The following CLTC variants were observed in gnomAD, a reference collection of about 807,000 sequenced individuals.
CLTC encodes clathrin heavy chain, also known as clathrin heavy chain 1.
A neutral mutation model predicts 195.8 loss-of-function variants in CLTC; 16 were observed. That is an observed-to-expected ratio of 0.08 (90% CI 0.06 to 0.12). The LOEUF is 0.12. Ranked by LOEUF, CLTC falls within the 10% of genes least tolerant of loss-of-function variation. The pLI is 1.00. For synonymous variants in CLTC, 667 were observed against 689.4 expected, an observed-to-expected ratio of 0.97 and a Z score of 0.51; for missense variants, 796 against 2,027.0, an observed-to-expected ratio of 0.39 and a Z score of 11.66.
Position 59,685,640 on chromosome 17 carries a change from C to T in CLTC, c.4659C>T (p.Leu1553=). ...AAGATACTGAATTGGCTGAAGAACT[C>T]CTGCAGTGGTTTTTGCAGGAAGAAA... The part of the protein sequence containing the change: ...ESKDTELAEE[L]LQWFLQEEKR... Residue 1553 remains leucine (L), a synonymous_variant, in exon 30 of 32, where the codon CTC becomes CTT. Transcript: ENST00000269122. The surrounding 1 kb of genome is among the most constrained non-coding windows in gnomAD (Gnocchi z 5.0). 1.2e-6 allele frequency: 2 copies of T among 1,614,094 alleles called. No individual in the cohort carries two copies. The highest frequency in any genetic ancestry group is 2.2e-5 in the South Asian group (2 of 91,076).
At chr17:59,657,156 T>C (rs1427110384) in intron 6 of CLTC, among the ~76,000 whole-genome samples, 1 of 152,154 alleles carries the variant, frequency 6.6e-6, no homozygotes, top group Non-Finnish European at 1.5e-5. Flanking sequence ...AGTTAATTTT[T>C]GAAAAATGTT....
chr17:59,667,242 T>C lies in CLTC; in HGVS notation c.2128+265T>C, dbSNP rs2032752375. Among the ~76,000 whole-genome samples the C allele has an allele frequency of 2.6e-5, 4 of 152,156 alleles. No homozygotes were observed. The South Asian group carries it at 8.3e-4, about 32-fold the overall frequency. On this transcript the variant is annotated intron_variant, in intron 13 of 31. Coordinates refer to ENST00000269122, the MANE Select transcript of CLTC (RefSeq NM_004859.4). The stretch of plus-strand genomic sequence containing the variant: ...AGAAAAATATGTAGTGGTGTTGAAA[T>C]TGTATAAAATGAAAATACAGGTTGA...
At chr17:59,664,097 AT>A (rs1267403598) in intron 9 of CLTC, 103 bp downstream of exon 9, 1 of 974,702 alleles carries the variant, frequency 1.0e-6, no homozygotes, top group Non-Finnish European at 1.5e-6. Flanking sequence ...ATTTCCTTTC[AT>A]TTTGATTTAC....
At chr17:59,676,127 G>C (rs763774551) in intron 16 of CLTC, among the ~76,000 whole-genome samples, 5 of 152,154 alleles carry the variant, frequency 3.3e-5, no homozygotes, top group Non-Finnish European at 5.9e-5. Context: ...GATTGCTTGA[G>C]CCCAGGAGGT....
rs753103346 is a variant in CLTC at position 59,655,976 on chromosome 17, T to G, written c.918T>G (p.Thr306=). 1.2e-6 allele frequency: 2 copies of G among 1,612,996 alleles called. No individual in the cohort carries two copies. Among genetic ancestry groups the G allele is most frequent in the Non-Finnish European group, 1.7e-6 (2 of 1,179,720 alleles). ...NRISGETIFV[T]APHEATAGII... is the part of the protein sequence containing the mutation. ...TCAGTGGAGAAACAATTTTTGTTAC[T>G]GCACCTCATGAAGCCACAGCTGGAA... The change falls in exon 6 of 32, where the codon ACT becomes ACG. Residue 306 remains threonine, a synonymous_variant. Coordinates refer to ENST00000269122, the MANE Select transcript of CLTC (RefSeq NM_004859.4).
chr17:59,622,929 GATT>G (rs2143430648), intron 1 of CLTC, among the ~76,000 whole-genome samples: 1 of 152,290 alleles, frequency 6.6e-6, no homozygotes, highest in Admixed American at 6.5e-5. Context: ...AATATATGAA[GATT>G]TCTCTTTTCC....
chr17:59,686,283 T>C (rs763993395), intron 30 of CLTC, among the ~76,000 whole-genome samples: 2 of 151,794 alleles, frequency 1.3e-5, no homozygotes, highest in Non-Finnish European at 2.9e-5. Context: ...AAAAATACCA[T>C]AGGAGGTGAA....
chr17:59,672,823 T>TCC (rs2032882393), intron 14 of CLTC, among the ~76,000 whole-genome samples: 1 of 152,146 alleles, frequency 6.6e-6, no homozygotes, highest in Non-Finnish European at 1.5e-5. Flanking sequence ...CCTACTTAGT[T>TCC]CTGCTTCCCT....
intron 28 of CLTC, 151 bp downstream of exon 28, chr17:59,684,136 C>T (rs1433129658): frequency 3.4e-6 from 2 of 583,538 alleles, no homozygotes; most frequent in Non-Finnish European, 6.0e-6. Flanking sequence ...ATTGATAAAT[C>T]TTCTAATTAA....
At chr17:59,687,810 C>T (rs761685719) in intron 30 of CLTC, among the ~76,000 whole-genome samples, 6 of 152,110 alleles carry the variant, frequency 3.9e-5, no homozygotes, top group Non-Finnish European at 8.8e-5. Context: ...TTGGCTTGTC[C>T]AAGGATGTCA....
intron 5 of CLTC, among the ~76,000 whole-genome samples, chr17:59,654,125 C>G (rs947458965): frequency 6.6e-6 from 1 of 152,082 alleles, no homozygotes; most frequent in Non-Finnish European, 1.5e-5. Context: ...TCAGCCTCCT[C>G]TGTGGCTGGG....
rs1322504696 is a variant in CLTC, at chr17:59,695,916, ATAAGAT to A, written c.*2067_*2072del. The A allele has an allele frequency of 1.2e-4, 24 of 202,002 alleles. No homozygotes were observed. The highest frequency in any genetic ancestry group is 5.5e-4 in the African/African-American group (24 of 43,620). The allele number at this position is 202,002 out of a possible 1,614,324, so 12.5% of individuals were successfully genotyped here. On this transcript the variant is annotated 3_prime_UTR_variant, in exon 32 of 32. Transcript: ENST00000269122. ...TTCTGCAGAGTATACTTTGAAAACT[ATAAGAT>A]TATGAGTTCTATAAAATACCAAGTA...
In CLTC at chr17:59,620,098, G is replaced by C. The variant is rs1033795395; in HGVS notation, c.-34G>C. The C allele has an allele frequency of 9.3e-6, 15 of 1,613,402 alleles. No homozygotes were observed. The African/African-American group carries it at 1.2e-4, about 13-fold the overall frequency. Reference sequence around the variant, plus strand: ...GGGCAGCCACTGCCCCGCAGCCCCAGTGACAGGAGGAGACCATAACCCCCG... The same window carrying C: ...GGGCAGCCACTGCCCCGCAGCCCCACTGACAGGAGGAGACCATAACCCCCG... On this transcript the variant is annotated 5_prime_UTR_variant, in exon 1 of 32. Coordinates refer to ENST00000269122, the MANE Select transcript of CLTC (RefSeq NM_004859.4).
At chr17:59,691,935 T>G (rs1029877937) in intron 31 of CLTC, among the ~76,000 whole-genome samples, 1 of 152,150 alleles carries the variant, frequency 6.6e-6, no homozygotes, top group African/African-American at 2.4e-5. Flanking sequence ...GAATTTGGCT[T>G]GCCTTCAGGG....
intron 30 of CLTC, among the ~76,000 whole-genome samples, chr17:59,688,325 A>G (rs1036979803): frequency 1.3e-5 from 2 of 152,134 alleles, no homozygotes; most frequent in African/African-American, 4.8e-5. Context: ...AACTGACTGC[A>G]TGTTACTTTT....
Position 59,696,598 on chromosome 17 carries a change from T to C in CLTC, c.*2746T>C. On this transcript the variant is annotated 3_prime_UTR_variant, in exon 32 of 32. Transcript: ENST00000269122. ...AGTTGGGACCCTCTGCCTCATATTC[T>C]GGGTAACTGGTATAACATAGTAATT... The C allele has an allele frequency of 4.7e-6, 1 of 213,598 alleles. No homozygotes were observed. Among genetic ancestry groups the C allele is most frequent in the Non-Finnish European group, 9.5e-6 (1 of 105,788 alleles). 13.2% of individuals were successfully genotyped at this position (213,598 alleles called of 1,614,324 possible).
chr17:59,653,493 TCCTCTCCCTCTCCTTCTG>T lies in CLTC; in HGVS notation c.795+2192_795+2209del, dbSNP rs544191694. On this transcript the variant is annotated intron_variant, in intron 5 of 31. Transcript: ENST00000269122. ...CAGGCATGAGCCACCACGCCCGGCC[TCCTCTCCCTCTCCTTCTG>T]CCTCTCCCTCTCCTCCTCTCTCCCC... Among the ~76,000 whole-genome samples the T allele has an allele frequency of 4.4e-3, 666 of 151,054 alleles. 5 individuals carry two copies. The highest frequency in any genetic ancestry group is 7.3e-3 in the Non-Finnish European group (496 of 67,602).
In CLTC at chr17:59,648,162, A is replaced by G. The variant is rs1222225595; in HGVS notation, c.520-78A>G. 7.8e-7 allele frequency: 1 copy of G among 1,278,226 alleles called. No homozygotes were observed. The highest frequency in any genetic ancestry group is 1.1e-6 in the Non-Finnish European group (1 of 922,244). The allele number at this position is 1,278,226 out of a possible 1,614,324, so 79.2% of individuals were successfully genotyped here. A position where few individuals can be genotyped will look rare whatever the true frequency, so the allele number is the denominator to read the frequency against. ...CCTGCTAAAGATGACAAAGCATTCT[A>G]ATTATTTCATTACTTGATGAATCTG... On this transcript the variant is annotated intron_variant, in intron 3 of 31. Transcript: ENST00000269122. The surrounding 1 kb of genome is among the most constrained non-coding windows in gnomAD (Gnocchi z 4.5).
chr17:59,684,994 G>A, intron 28 of CLTC, 62 bp from the exon 29 acceptor site: 3 of 1,340,892 alleles, frequency 2.2e-6, no homozygotes, highest in African/African-American at 1.5e-5. Context: ...CATTGATTGA[G>A]AACGGAATAT....
Sources: gnomAD v4.1 joint callset for allele counts (sites outside exome capture counted in the v4.1 genomes callset) on GRCh38, gnomAD v4.1.1 for gene constraint, Gnocchi (gnomAD v3.1) non-coding constraint, MANE v1.5 for transcripts, NCBI Gene and HGNC (gene_info 2026-07-23, HGNC 2026-07-21) for gene names.